MED12L: variants seen among roughly 807,000 people sequenced by gnomAD.
The protein encoded by MED12L is mediator complex subunit 12L.
In MED12L, 60 loss-of-function variants were observed where a neutral mutation model predicts 281.3. The observed-to-expected ratio is 0.21, with a 90% confidence interval of 0.17 to 0.26. The LOEUF is 0.26. MED12L is among the 10% of genes least tolerant of loss of function. MED12L has a pLI of 1.00. For missense variants in MED12L, 2,146 were observed against 2,680.9 expected (o/e 0.80, Z 4.41); for synonymous variants, 974 against 987.2 (o/e 0.99, Z 0.25).
chr3:151,368,709 C>T (rs1175508416), intron 25 of MED12L, among the ~76,000 whole-genome samples: 15 of 44,278 alleles, frequency 3.4e-4, no homozygotes, highest in South Asian at 2.2e-3. Context: ...CATTTCATTT[C>T]ATTTCATTTC....
At chr3:151,193,965 C>CTTTTT (rs34461662) in intron 16 of MED12L, among the ~76,000 whole-genome samples, 8 of 123,506 alleles carry the variant, frequency 6.5e-5, no homozygotes, top group Non-Finnish European at 9.9e-5. Context: ...TTTTTCTTTT[C>CTTTTT]TTTTTTTTTT....
intron 2 of MED12L, among the ~76,000 whole-genome samples, chr3:151,087,312 C>G (rs1560031691): frequency 6.6e-6 from 1 of 152,354 alleles, no homozygotes; most frequent in African/African-American, 2.4e-5. Flanking sequence ...TCTTCCCTGC[C>G]GAAACCTTGC....
At chr3:151,316,215 A>AT (rs1216710484) in intron 16 of MED12L, among the ~76,000 whole-genome samples, 1 of 152,164 alleles carries the variant, frequency 6.6e-6, no homozygotes, top group Non-Finnish European at 1.5e-5. Context: ...TTAAAAAAAA[A>AT]CAATACGGAT....
intron 2 of MED12L, among the ~76,000 whole-genome samples, chr3:151,096,912 C>T (rs926020993): frequency 2.0e-5 from 3 of 152,228 alleles, no homozygotes; most frequent in South Asian, 2.1e-4. Flanking sequence ...TTAGGGCACC[C>T]GGTGCCTCTT....
At chr3:151,100,951 T>G (rs1209572188) in intron 2 of MED12L, among the ~76,000 whole-genome samples, 2 of 152,328 alleles carry the variant, frequency 1.3e-5, no homozygotes, top group African/African-American at 4.8e-5. Flanking sequence ...GAAGGATCAG[T>G]TTTTAGAAAA....
At chr3:151,242,074 A>G (rs1734240217) in intron 16 of MED12L, among the ~76,000 whole-genome samples, 1 of 152,344 alleles carries the variant, frequency 6.6e-6, no homozygotes, top group South Asian at 2.1e-4. Flanking sequence ...ACGGGCTTAA[A>G]AAACGGGGCA....
At chr3:151,286,071 C>T (rs925970119) in intron 16 of MED12L, among the ~76,000 whole-genome samples, 2 of 152,198 alleles carry the variant, frequency 1.3e-5, no homozygotes, top group African/African-American at 4.8e-5. Context: ...AGCCCACCTT[C>T]TACTTGATTG....
chr3:151,366,228 CTT>C (rs1221556880), intron 23 of MED12L, among the ~76,000 whole-genome samples: 5 of 152,110 alleles, frequency 3.3e-5, no homozygotes, highest in African/African-American at 1.2e-4. Context: ...CCAAGAATTT[CTT>C]TGTTTCCTGA....
At chr3:151,379,071 G>C (rs1711736520) in intron 31 of MED12L, among the ~76,000 whole-genome samples, 1 of 152,252 alleles carries the variant, frequency 6.6e-6, no homozygotes, top group Non-Finnish European at 1.5e-5. Flanking sequence ...TTCTGAGCTT[G>C]TGCTCTTAAC....
chr3:151,233,601 C>T (rs1353340017), intron 16 of MED12L, among the ~76,000 whole-genome samples: 2 of 152,124 alleles, frequency 1.3e-5, no homozygotes, highest in African/African-American at 2.4e-5. Context: ...GGCGTGGTGG[C>T]AGGTGTCTGT....
intron 16 of MED12L, chr3:151,328,468 G>A (rs1441782781): frequency 1.2e-6 from 2 of 1,613,964 alleles, no homozygotes; most frequent in Admixed American, 3.3e-5. Flanking sequence ...GCCCCTTTAA[G>A]GAAGCACACT....
intron 16 of MED12L, among the ~76,000 whole-genome samples, chr3:151,206,298 T>C (rs1726350484): frequency 6.6e-6 from 1 of 152,068 alleles, no homozygotes; most frequent in Non-Finnish European, 1.5e-5. Context: ...AGAATACATG[T>C]TTGGAAATGA....
chr3:151,110,833 C>A (rs190682610), intron 2 of MED12L, among the ~76,000 whole-genome samples: 1 of 152,090 alleles, frequency 6.6e-6, no homozygotes, highest in Non-Finnish European at 1.5e-5. Flanking sequence ...GTAGAGAATT[C>A]TGAATGGACT....
At chr3:151,392,301 T>C (rs1714344095) in intron 38 of MED12L, among the ~76,000 whole-genome samples, 1 of 151,508 alleles carries the variant, frequency 6.6e-6, no homozygotes, top group Non-Finnish European at 1.5e-5. Context: ...CCGTATCTAC[T>C]AAAAATACAA....
intron 12 of MED12L, chr3:151,188,142 C>G (rs768689635): frequency 1.1e-4 from 37 of 342,370 alleles, no homozygotes; most frequent in South Asian, 4.8e-4. Flanking sequence ...CTCGTCTGAT[C>G]TCGGAAGCTA....
At chr3:151,395,767 A>C in intron 39 of MED12L, among the ~76,000 whole-genome samples, 1 of 152,258 alleles carries the variant, frequency 6.6e-6, no homozygotes, top group East Asian at 1.9e-4. Context: ...GGAAATAGCG[A>C]ATCTACAGGT....
intron 2 of MED12L, among the ~76,000 whole-genome samples, chr3:151,111,587 G>T (rs1711903463): frequency 6.6e-6 from 1 of 152,156 alleles, no homozygotes; most frequent in African/African-American, 2.4e-5. Context: ...GTCTTAGCTG[G>T]TGCCAGCGTG....
At chr3:151,366,953 T>C (rs1351051114) in intron 23 of MED12L, among the ~76,000 whole-genome samples, 2 of 152,204 alleles carry the variant, frequency 1.3e-5, no homozygotes, top group African/African-American at 4.8e-5. Context: ...GGTGTGCTAA[T>C]AAATAAGGTG....
chr3:151,227,804 T>A (rs185897573), intron 16 of MED12L, among the ~76,000 whole-genome samples: 5 of 152,344 alleles, frequency 3.3e-5, no homozygotes, highest in African/African-American at 1.2e-4. Context: ...CCAGGGTTTC[T>A]CAGCCTTGGT....
Sources: allele counts gnomAD v4.1 joint callset (sites outside exome capture counted in the v4.1 genomes callset), GRCh38; gene constraint gnomAD v4.1.1; transcripts MANE v1.5; gene names NCBI Gene and HGNC (gene_info 2026-07-23, HGNC 2026-07-21).